COX7B2: variants seen among roughly 807,000 people sequenced by gnomAD.
The protein encoded by COX7B2 is cytochrome c oxidase subunit 7B2.
For missense variants in COX7B2, 109 were observed against 95.9 expected (o/e 1.14, Z -0.57); for synonymous variants, 37 against 32.1 (o/e 1.15, Z -0.51).
chr4:46,842,553 C>G lies in COX7B2; in HGVS notation c.-50+2407G>C, dbSNP rs192124849. Among the ~76,000 whole-genome samples the G allele has an allele frequency of 5.4e-3, 826 of 151,656 alleles. 7 individuals are homozygous for G. Among genetic ancestry groups the G allele is most frequent in the African/African-American group, 0.019 (768 of 41,374 alleles). On this transcript the variant is annotated intron_variant, in intron 2 of 2. Transcript: ENST00000355591. ...TCTCCTAATGCTATCCCTCCCCACT[C>G]CCCCCACCCCACAACAGTCCCCGGT...
intron 1 of COX7B2, among the ~76,000 whole-genome samples, chr4:46,905,729 C>CCCT (rs1160989041): frequency 6.6e-6 from 1 of 151,728 alleles, no homozygotes; most frequent in Non-Finnish European, 1.5e-5. Flanking sequence ...CCTCTCTGAG[C>CCCT]CCTCAGTTTC....
At chr4:46,759,996 G>A (rs1392785494) in intron 2 of COX7B2, among the ~76,000 whole-genome samples, 1 of 151,640 alleles carries the variant, frequency 6.6e-6, no homozygotes, top group Non-Finnish European at 1.5e-5. Flanking sequence ...CAGAAAGAAA[G>A]AATATTACCG....
At chr4:46,781,163 G>A (rs1180637804) in intron 2 of COX7B2, among the ~76,000 whole-genome samples, 1 of 152,102 alleles carries the variant, frequency 6.6e-6, no homozygotes, top group African/African-American at 2.4e-5. Context: ...AGAGGAGAGA[G>A]GGGGCACAAA....
chr4:46,888,016 G>A (rs1719186209), intron 1 of COX7B2, among the ~76,000 whole-genome samples: 1 of 152,132 alleles, frequency 6.6e-6, no homozygotes. Context: ...TGCTTGCTGT[G>A]CTGACACCAC....
intron 1 of COX7B2, among the ~76,000 whole-genome samples, chr4:46,880,993 T>TAAAAAAAAAAAAAAAAAAAA (rs1215385422): frequency 8.0e-4 from 82 of 102,576 alleles, no homozygotes; most frequent in Non-Finnish European, 1.3e-3. Context: ...TAGAGTATAA[T>TAAAAAAAAAAAAAAAAAAAA]AAAAAAAAAA....
intron 2 of COX7B2, among the ~76,000 whole-genome samples, chr4:46,838,096 A>AAAAAC (rs1715658370): frequency 2.0e-5 from 3 of 152,048 alleles, no homozygotes; most frequent in African/African-American, 4.8e-5. Context: ...TACAAGCAAA[A>AAAAAC]TAGTTTCAAA....
chr4:46,829,042 C>T (rs1184161766), intron 2 of COX7B2, among the ~76,000 whole-genome samples: 1 of 152,130 alleles, frequency 6.6e-6, no homozygotes, highest in Non-Finnish European at 1.5e-5. Flanking sequence ...ATGAAGACAA[C>T]AGCAGTATTC....
intron 2 of COX7B2, among the ~76,000 whole-genome samples, chr4:46,797,353 G>A (rs1718418511): frequency 6.6e-6 from 1 of 152,110 alleles, no homozygotes; most frequent in South Asian, 2.1e-4. Context: ...TCAAAGGAGG[G>A]ATTTATGAAG....
chr4:46,806,548 A>T (rs2109646547), intron 2 of COX7B2, among the ~76,000 whole-genome samples: 1 of 152,196 alleles, frequency 6.6e-6, no homozygotes, highest in African/African-American at 2.4e-5. Context: ...TTTTGAGGCA[A>T]GAACAGCTAC....
At chr4:46,858,862 G>T (rs572399461) in intron 1 of COX7B2, among the ~76,000 whole-genome samples, 5 of 152,096 alleles carry the variant, frequency 3.3e-5, no homozygotes, top group African/African-American at 1.2e-4. Flanking sequence ...ATGTAGGAAG[G>T]GATTAACCAC....
chr4:46,793,811 C>A (rs1718174612), intron 2 of COX7B2, among the ~76,000 whole-genome samples: 1 of 152,136 alleles, frequency 6.6e-6, no homozygotes. Flanking sequence ...TAATGGGATC[C>A]TATAAATTGG....
chr4:46,781,040 G>A (rs1267860732), intron 2 of COX7B2, among the ~76,000 whole-genome samples: 4 of 152,098 alleles, frequency 2.6e-5, no homozygotes, highest in South Asian at 2.1e-4. Flanking sequence ...TAGGGTATCT[G>A]TTATTTTTAC....
chr4:46,742,911 A>G (rs1272890731), intron 2 of COX7B2, among the ~76,000 whole-genome samples: 1 of 152,182 alleles, frequency 6.6e-6, no homozygotes, highest in Non-Finnish European at 1.5e-5. Context: ...CAGTCTGAGA[A>G]TAATCACAGT....
chr4:46,866,486 GT>G (rs941783439), intron 1 of COX7B2, among the ~76,000 whole-genome samples: 5 of 151,960 alleles, frequency 3.3e-5, no homozygotes, highest in African/African-American at 1.2e-4. Context: ...AAAACAAAAT[GT>G]TTTGTATATC....
chr4:46,770,831 G>C (rs1445570230), intron 2 of COX7B2, among the ~76,000 whole-genome samples: 1 of 151,906 alleles, frequency 6.6e-6, no homozygotes, highest in South Asian at 2.1e-4. Context: ...AACTCAAAAG[G>C]GATTAAAGAC....
chr4:46,745,725 TTTTTC>T (rs1714984398), intron 2 of COX7B2, among the ~76,000 whole-genome samples: 1 of 152,172 alleles, frequency 6.6e-6, no homozygotes, highest in South Asian at 2.1e-4. Context: ...TTCATTTTAG[TTTTTC>T]TTTTAAGTTC....
chr4:46,865,689 C>T lies in COX7B2; in HGVS notation c.-104-20675G>A, dbSNP rs569150161. ...CTGCCTCTGATAATCCTGTTTGCTC[C>T]CCCAGTTAACCTAATTCAGTGTGGG... On this transcript the variant is annotated intron_variant, in intron 1 of 2. Transcript: ENST00000355591. 2.4e-4 allele frequency among the ~76,000 whole-genome samples: 37 copies of T among 152,212 alleles called. No individual in the cohort carries two copies. The South Asian group carries it at 7.3e-3, about 30-fold the overall frequency.
At chr4:46,819,254 T>C (rs2109687312) in intron 2 of COX7B2, among the ~76,000 whole-genome samples, 1 of 152,234 alleles carries the variant, frequency 6.6e-6, no homozygotes, top group South Asian at 2.1e-4. Context: ...TCAAAAACCC[T>C]TTAGCGGAAC....
At chr4:46,886,451 A>T (rs1335305748) in intron 1 of COX7B2, among the ~76,000 whole-genome samples, 1 of 152,180 alleles carries the variant, frequency 6.6e-6, no homozygotes, top group East Asian at 1.9e-4. Context: ...AGTTATCGTT[A>T]ACTATAATTT....
Sources: gnomAD v4.1 joint callset for allele counts (sites outside exome capture counted in the v4.1 genomes callset) on GRCh38, gnomAD v4.1.1 for gene constraint, MANE v1.5 for transcripts, NCBI Gene and HGNC (gene_info 2026-07-23, HGNC 2026-07-21) for gene names.